APP: variants seen among roughly 807,000 people sequenced by gnomAD.
APP encodes amyloid-beta precursor protein.
Under a neutral mutation model 101.4 loss-of-function variants are expected in APP, and 31 were observed. The ratio of observed to expected loss-of-function variants is 0.31; its 90% confidence interval spans 0.23 to 0.41. The LOEUF (loss-of-function observed/expected upper bound fraction) is 0.41, where lower values mean the gene tolerates loss of function less well. Ranked by LOEUF, APP falls within the 10% of genes least tolerant of loss-of-function variation. APP has a pLI of 1.00. For missense variants in APP, 839 were observed against 1,003.7 expected (o/e 0.84, Z 2.22); for synonymous variants, 366 against 364.4 (o/e 1.00, Z -0.05).
At chr21:26,122,965 A>C (rs537580045) in intron 1 of APP, among the ~76,000 whole-genome samples, 35 of 152,222 alleles carry the variant, frequency 2.3e-4, no homozygotes, top group Non-Finnish European at 4.4e-4. Context: ...CATGGATGTA[A>C]AGATAGTAAG....
chr21:25,898,804 A>C (rs1423015163), intron 15 of APP, among the ~76,000 whole-genome samples: 7 of 152,162 alleles, frequency 4.6e-5, no homozygotes, highest in African/African-American at 1.7e-4. Flanking sequence ...TACTTGGGCT[A>C]CACATTCCCA....
intron 6 of APP, among the ~76,000 whole-genome samples, chr21:26,000,383 C>T (rs1217444426): frequency 6.6e-6 from 1 of 152,196 alleles, no homozygotes; most frequent in Non-Finnish European, 1.5e-5. Flanking sequence ...GCACTGTCAT[C>T]TGGTTTAATG....
At chr21:26,110,695 C>T (rs2062297931) in intron 2 of APP, among the ~76,000 whole-genome samples, 1 of 151,746 alleles carries the variant, frequency 6.6e-6, no homozygotes, top group Admixed American at 6.6e-5. Context: ...TTAGTATTTA[C>T]AATTTAAAAT....
intron 8 of APP, among the ~76,000 whole-genome samples, chr21:25,995,493 C>T (rs1294929675): frequency 6.6e-6 from 1 of 152,138 alleles, no homozygotes; most frequent in Non-Finnish European, 1.5e-5. Flanking sequence ...CTGCCATGTT[C>T]GATGGCTTGG....
At chr21:26,110,846 C>T (rs749683486) in intron 2 of APP, among the ~76,000 whole-genome samples, 7 of 151,858 alleles carry the variant, frequency 4.6e-5, no homozygotes, top group East Asian at 1.9e-4. Flanking sequence ...TAATGAGTGT[C>T]GAGAATTCTG....
intron 3 of APP, among the ~76,000 whole-genome samples, chr21:26,077,750 G>C (rs1278850587): frequency 7.2e-6 from 1 of 138,184 alleles, no homozygotes; most frequent in African/African-American, 2.7e-5. Context: ...CAAAGCCAAA[G>C]CCTAAGACTC....
chr21:26,123,870 G>GTTTCAGTGACACAACATCA (rs1226642245), intron 1 of APP, among the ~76,000 whole-genome samples: 1 of 152,154 alleles, frequency 6.6e-6, no homozygotes, highest in Non-Finnish European at 1.5e-5. Context: ...GCCAATATTA[G>GTTTCAGTGACACAACATCA]GAGGGTGCAG....
chr21:25,911,228 T>C (rs78083384), intron 14 of APP, among the ~76,000 whole-genome samples: 1 of 152,360 alleles, frequency 6.6e-6, no homozygotes, highest in East Asian at 1.9e-4. Flanking sequence ...TGTTATATAA[T>C]GTACCATTTT....
chr21:26,115,188 CAAT>C (rs1479890645), intron 1 of APP, among the ~76,000 whole-genome samples: 1 of 152,132 alleles, frequency 6.6e-6, no homozygotes, highest in African/African-American at 2.4e-5. Context: ...TGCGAATCCT[CAAT>C]AATAGGGTAA....
chr21:26,012,475 G>A (rs1400032035), intron 6 of APP, among the ~76,000 whole-genome samples: 2 of 152,122 alleles, frequency 1.3e-5, no homozygotes, highest in Non-Finnish European at 2.9e-5. Flanking sequence ...CAGGCATATT[G>A]GAAGAGGTGG....
chr21:26,166,925 AGGG>A (rs1569056008), intron 1 of APP, among the ~76,000 whole-genome samples: 3 of 109,406 alleles, frequency 2.7e-5, no homozygotes, highest in African/African-American at 1.4e-4. Context: ...AAAGAGACAG[AGGG>A]TGTGTGTGTG....
chr21:26,066,734 C>T (rs1273397012), intron 3 of APP, among the ~76,000 whole-genome samples: 1 of 137,722 alleles, frequency 7.3e-6, no homozygotes, highest in Non-Finnish European at 1.6e-5. Flanking sequence ...GGACTGAGCG[C>T]CTTTTCACAC....
chr21:26,041,698 T>G (rs2045377206), intron 5 of APP, among the ~76,000 whole-genome samples: 1 of 151,890 alleles, frequency 6.6e-6, no homozygotes, highest in Non-Finnish European at 1.5e-5. Context: ...CATCTCCTCT[T>G]CCAGCCATCA....
chr21:26,042,573 G>A (rs11911744), intron 5 of APP, among the ~76,000 whole-genome samples: 3,144 of 152,294 alleles, frequency 0.021, 91 homozygotes, highest in African/African-American at 0.072. Flanking sequence ...CTGTGCAAGC[G>A]TTTTATGATG....
At chr21:26,053,177 T>A (rs1202302120) in intron 4 of APP, 59 bp downstream of exon 4, 8 of 1,292,030 alleles carry the variant, frequency 6.2e-6, no homozygotes, top group Non-Finnish European at 9.0e-6. Context: ...TAAAATGCCA[T>A]TAAGCACGTC....
chr21:26,009,564 C>G (rs996506007), intron 6 of APP: 4 of 150,764 alleles, frequency 2.7e-5, no homozygotes, highest in African/African-American at 9.7e-5. Context: ...AATTCAAGGG[C>G]TTAGAATATA....
At chr21:26,114,423 C>G (rs2062392404) in intron 1 of APP, among the ~76,000 whole-genome samples, 1 of 152,302 alleles carries the variant, frequency 6.6e-6, no homozygotes, top group South Asian at 2.1e-4. Flanking sequence ...GATGGTGTAA[C>G]TTCCGAGCAT....
intron 1 of APP, among the ~76,000 whole-genome samples, chr21:26,164,680 C>A (rs905104458): frequency 6.6e-6 from 1 of 151,864 alleles, no homozygotes; most frequent in African/African-American, 2.4e-5. Context: ...ATGGTGAAAC[C>A]CCATCTCTAC....
At chr21:25,932,918 T>G (rs1340395309) in intron 13 of APP, among the ~76,000 whole-genome samples, 5 of 152,190 alleles carry the variant, frequency 3.3e-5, no homozygotes, top group African/African-American at 1.2e-4. Context: ...ACCTCAAAAG[T>G]CAGAGCCTCT....
Sources: allele counts gnomAD v4.1 joint callset (sites outside exome capture counted in the v4.1 genomes callset), GRCh38; gene constraint gnomAD v4.1.1; transcripts MANE v1.5; gene names NCBI Gene and HGNC (gene_info 2026-07-23, HGNC 2026-07-21).